Variants in SIPA1L1 observed in about 807,000 individuals in gnomAD.
The protein encoded by SIPA1L1 is signal induced proliferation associated 1 like 1.
Under a neutral mutation model 162.7 loss-of-function variants are expected in SIPA1L1, and 26 were observed. The observed-to-expected ratio is 0.16, with a 90% confidence interval of 0.12 to 0.22. The LOEUF (loss-of-function observed/expected upper bound fraction) is 0.22, where lower values mean the gene tolerates loss of function less well. Among genes scored for constraint, SIPA1L1 ranks in the 10% least tolerant of loss-of-function variants. The pLI is 1.00. For synonymous variants in SIPA1L1, 829 were observed against 837.4 expected (o/e 0.99, Z 0.17); for missense variants, 1,874 against 2,241.0 (o/e 0.84, Z 3.31).
chr14:71,488,619 A>G (rs2048968775), intron 2 of SIPA1L1, among the ~76,000 whole-genome samples: 1 of 152,204 alleles, frequency 6.6e-6, no homozygotes, highest in African/African-American at 2.4e-5. Flanking sequence ...TGTAATAGGA[A>G]ATTCATGGTT....
intron 5 of SIPA1L1, among the ~76,000 whole-genome samples, chr14:71,608,036 T>C (rs551078813): frequency 6.6e-6 from 1 of 152,326 alleles, no homozygotes; most frequent in East Asian, 1.9e-4. Context: ...AAAAAAATTT[T>C]GCTTTATTGC....
At chr14:71,464,177 C>T (rs1017350413) in intron 2 of SIPA1L1, among the ~76,000 whole-genome samples, 8 of 152,268 alleles carry the variant, frequency 5.3e-5, no homozygotes, top group African/African-American at 1.9e-4. Context: ...GGGACTAATC[C>T]ACTCCACCAC....
At chr14:71,483,342 A>G (rs1381091737) in intron 2 of SIPA1L1, among the ~76,000 whole-genome samples, 1 of 152,180 alleles carries the variant, frequency 6.6e-6, no homozygotes. Flanking sequence ...GTGAAGTTGC[A>G]CTTTGCTCTT....
chr14:71,527,998 G>A (rs1424402656), intron 3 of SIPA1L1, among the ~76,000 whole-genome samples: 1 of 152,002 alleles, frequency 6.6e-6, no homozygotes, highest in Non-Finnish European at 1.5e-5. Context: ...AGCGATTTTC[G>A]TGCCTGGGTC....
At chr14:71,680,467 A>G (rs1444747141) in intron 12 of SIPA1L1, among the ~76,000 whole-genome samples, 2 of 152,226 alleles carry the variant, frequency 1.3e-5, no homozygotes, top group Non-Finnish European at 2.9e-5. Context: ...AAATGCCCAC[A>G]AGAGAAAGCA....
intron 2 of SIPA1L1, among the ~76,000 whole-genome samples, chr14:71,332,750 C>A (rs1388223994): frequency 6.6e-6 from 1 of 152,120 alleles, no homozygotes; most frequent in Non-Finnish European, 1.5e-5. Flanking sequence ...TTCATTCATT[C>A]ATTTCTTCAT....
At position 71,466,441 on chromosome 14, in the gene SIPA1L1, C is replaced by T. The variant is rs560930947; in HGVS notation, c.-464-46302C>T. On this transcript the variant is annotated intron_variant, in intron 2 of 23. Transcript: ENST00000381232. ...TGTCTAAACAGCAATGAAAACTGGC[C>T]AGGTTCATAGTACCCTTTCAAAGTG... Among the ~76,000 whole-genome samples the T allele has an allele frequency of 2.6e-5, 4 of 152,214 alleles. No individual in the cohort carries two copies. In the East Asian group the frequency reaches 7.7e-4, roughly 29 times the overall value.
At chr14:71,404,814 G>A (rs2041927870) in intron 2 of SIPA1L1, among the ~76,000 whole-genome samples, 1 of 152,064 alleles carries the variant, frequency 6.6e-6, no homozygotes, top group Admixed American at 6.5e-5. Flanking sequence ...GAATTCCTTG[G>A]GCACCATTAA....
chr14:71,543,420 G>C (rs1453234311), intron 4 of SIPA1L1, among the ~76,000 whole-genome samples: 1 of 152,102 alleles, frequency 6.6e-6, no homozygotes, highest in Non-Finnish European at 1.5e-5. Flanking sequence ...AGAATAATTG[G>C]GTCATAGGAT....
chr14:71,681,038 A>C (rs371084174), intron 12 of SIPA1L1, among the ~76,000 whole-genome samples: 1 of 152,100 alleles, frequency 6.6e-6, no homozygotes, highest in African/African-American at 2.4e-5. Flanking sequence ...CCTTCCCAGC[A>C]CTTCCGTATC....
At position 71,586,042 on chromosome 14, in the gene SIPA1L1, A is replaced by G. The variant is rs117377543; in HGVS notation, c.-302-1529A>G. On this transcript the variant is annotated intron_variant, in intron 4 of 23. Transcript: ENST00000381232. ...ATAATAGCAGTCTGACAGTAGAAGT[A>G]TCTAGAAAGCTCAAAAGCCATGTTT... 7.9e-5 allele frequency among the ~76,000 whole-genome samples: 12 copies of G among 152,320 alleles called. No individual in the cohort carries two copies. The East Asian group carries it at 1.7e-3, about 22-fold the overall frequency.
chr14:71,476,917 T>C (rs1290867192), intron 2 of SIPA1L1, among the ~76,000 whole-genome samples: 1 of 151,932 alleles, frequency 6.6e-6, no homozygotes, highest in Non-Finnish European at 1.5e-5. Context: ...TAAACACGTA[T>C]AGACTTGTGT....
chr14:71,410,895 T>C (rs1221270539), intron 2 of SIPA1L1, among the ~76,000 whole-genome samples: 1 of 152,152 alleles, frequency 6.6e-6, no homozygotes, highest in East Asian at 1.9e-4. Context: ...GTTAAATACA[T>C]AGAATTCCTT....
At chr14:71,356,118 C>T (rs2037216438) in intron 2 of SIPA1L1, among the ~76,000 whole-genome samples, 1 of 152,158 alleles carries the variant, frequency 6.6e-6, no homozygotes, top group Non-Finnish European at 1.5e-5. Flanking sequence ...CCCCTTCTTC[C>T]ACTTTCCCTA....
intron 4 of SIPA1L1, among the ~76,000 whole-genome samples, chr14:71,579,062 G>A (rs1721582897): frequency 6.6e-6 from 1 of 152,164 alleles, no homozygotes; most frequent in South Asian, 2.1e-4. Context: ...TAGGAATACA[G>A]TATGTATTAC....
At chr14:71,698,145 A>G (rs866768115) in intron 13 of SIPA1L1, among the ~76,000 whole-genome samples, 28 of 152,284 alleles carry the variant, frequency 1.8e-4, no homozygotes, top group Middle Eastern at 3.4e-3. Flanking sequence ...ATAAAATACC[A>G]TCGTTACTAA....
intron 5 of SIPA1L1, among the ~76,000 whole-genome samples, chr14:71,612,282 A>G (rs1262836025): frequency 1.3e-5 from 2 of 152,176 alleles, no homozygotes; most frequent in South Asian, 2.1e-4. Flanking sequence ...GTTGATACCA[A>G]TCCACAGTGC....
chr14:71,672,579 A>G lies in SIPA1L1; in HGVS notation c.3061A>G (p.Lys1021Glu). Residue 1021 changes from lysine to glutamate, a missense_variant, in exon 12 of 24, where the codon AAG becomes GAG. Physicochemically the swap from Lys to Glu is moderately conservative, Grantham distance 56 (BLOSUM62 1). Transcript: ENST00000381232. Reference sequence around the variant, plus strand: ...CCTCCTGAGAACATCTGTCACGGTGAAGGTTGTCATCATTCCCCCGCATGA... The same window carrying G: ...CCTCCTGAGAACATCTGTCACGGTGGAGGTTGTCATCATTCCCCCGCATGA... ...IDLLRTSVTV[K>E]VVIIPPHDDC... 1.2e-6 allele frequency: 2 copies of G among 1,614,168 alleles called. No homozygotes were observed. Among genetic ancestry groups the G allele is most frequent in the Non-Finnish European group, 1.7e-6 (2 of 1,180,020 alleles).
intron 7 of SIPA1L1, among the ~76,000 whole-genome samples, chr14:71,636,708 A>T (rs1277393350): frequency 1.3e-5 from 2 of 152,222 alleles, no homozygotes; most frequent in Non-Finnish European, 2.9e-5. Flanking sequence ...AATCAATGAA[A>T]TTAAAAATAG....
Sources: gnomAD v4.1 joint callset for allele counts (sites outside exome capture counted in the v4.1 genomes callset) on GRCh38, gnomAD v4.1.1 for gene constraint, MANE v1.5 for transcripts, NCBI Gene and HGNC (gene_info 2026-07-23, HGNC 2026-07-21) for gene names.